The following CACNA2D1 variants were observed in gnomAD, a reference collection of about 807,000 sequenced individuals.
CACNA2D1 encodes the protein voltage-dependent calcium channel subunit alpha-2/delta-1.
CACNA2D1 carries 53 observed loss-of-function variants against 171.5 expected under a neutral mutation model. The observed-to-expected ratio is 0.31, with a 90% CI of 0.25 to 0.39. The LOEUF is 0.39. Ranked by LOEUF, CACNA2D1 falls within the 10% of genes least tolerant of loss-of-function variation. CACNA2D1 has a pLI of 1.00. For missense variants in CACNA2D1, 903 were observed against 1,299.8 expected, an observed-to-expected ratio of 0.69 and a Z score of 4.69; for synonymous variants, 442 against 443.1, an observed-to-expected ratio of 1.00 and a Z score of 0.03.
intron 6 of CACNA2D1, among the ~76,000 whole-genome samples, chr7:82,095,023 A>C (rs1378824009): frequency 6.6e-6 from 1 of 152,134 alleles, no homozygotes; most frequent in Non-Finnish European, 1.5e-5. Flanking sequence ...CTGGTCTTTT[A>C]TGACTGGCTT....
intron 18 of CACNA2D1, among the ~76,000 whole-genome samples, chr7:82,001,103 G>A (rs964989184): frequency 6.6e-6 from 1 of 152,084 alleles, no homozygotes; most frequent in African/African-American, 2.4e-5. Flanking sequence ...TGTGATAACT[G>A]AAGTTTTGTT....
intron 1 of CACNA2D1, among the ~76,000 whole-genome samples, chr7:82,441,986 C>T (rs1227235696): frequency 1.3e-5 from 2 of 152,098 alleles, no homozygotes; most frequent in Non-Finnish European, 2.9e-5. Context: ...GCCAATTAAA[C>T]GAAGATCTCC....
At chr7:82,303,131 C>T (rs1813250178) in intron 3 of CACNA2D1, among the ~76,000 whole-genome samples, 1 of 152,146 alleles carries the variant, frequency 6.6e-6, no homozygotes, top group East Asian at 1.9e-4. Context: ...GTAGCTGGGA[C>T]TACAGGCGCC....
chr7:81,983,419 C>A, intron 22 of CACNA2D1, 85 bp from the exon 23 acceptor site: 1 of 963,358 alleles, frequency 1.0e-6, no homozygotes, highest in South Asian at 1.4e-5. Flanking sequence ...ATATTTTATT[C>A]AATGACTTTC....
chr7:81,978,327 A>G (rs1796067731), intron 24 of CACNA2D1, among the ~76,000 whole-genome samples: 1 of 152,176 alleles, frequency 6.6e-6, no homozygotes, highest in Non-Finnish European at 1.5e-5. Context: ...AAGACTTGGA[A>G]CCAACCCAAA....
At chr7:82,313,927 A>T (rs2129434416) in intron 3 of CACNA2D1, among the ~76,000 whole-genome samples, 1 of 152,338 alleles carries the variant, frequency 6.6e-6, no homozygotes. Flanking sequence ...GCACTAAAAA[A>T]TAAAATCATA....
At chr7:82,126,221 A>T (rs973919310) in intron 5 of CACNA2D1, among the ~76,000 whole-genome samples, 1 of 152,196 alleles carries the variant, frequency 6.6e-6, no homozygotes, top group African/African-American at 2.4e-5. Context: ...CTAGCACTCC[A>T]GTATATAATC....
At chr7:82,357,371 A>C (rs1200291023) in intron 1 of CACNA2D1, among the ~76,000 whole-genome samples, 1 of 152,158 alleles carries the variant, frequency 6.6e-6, no homozygotes, top group Non-Finnish European at 1.5e-5. Context: ...ATAACAGTTG[A>C]GTACAAAGTG....
At chr7:82,301,509 A>G (rs1323590407) in intron 3 of CACNA2D1, among the ~76,000 whole-genome samples, 2 of 152,184 alleles carry the variant, frequency 1.3e-5, no homozygotes, top group Non-Finnish European at 2.9e-5. Flanking sequence ...ATATAAATAT[A>G]TACATAGTAC....
chr7:82,321,741 A>G (rs1190374100), intron 3 of CACNA2D1, among the ~76,000 whole-genome samples: 1 of 152,180 alleles, frequency 6.6e-6, no homozygotes, highest in Non-Finnish European at 1.5e-5. Flanking sequence ...TCTAAAAAGA[A>G]TGCCAATCAA....
At chr7:81,954,553 C>T (rs1050341354) in intron 38 of CACNA2D1, among the ~76,000 whole-genome samples, 2 of 152,162 alleles carry the variant, frequency 1.3e-5, no homozygotes, top group East Asian at 1.9e-4. Context: ...TCTTACTCTG[C>T]CTTTCTTTCC....
In CACNA2D1 at chr7:82,172,593, C is replaced by T. The variant is rs906928976; in HGVS notation, c.295-1984G>A. Among the ~76,000 whole-genome samples the T allele has an allele frequency of 2.8e-5, 4 of 144,552 alleles. No homozygotes were observed. In the East Asian group the frequency reaches 6.3e-4, roughly 23 times the overall value. 94.8% of individuals were successfully genotyped at this position (144,552 alleles called of 152,430 possible). On this transcript the variant is annotated intron_variant, in intron 3 of 38. Transcript: ENST00000356860. ...TCAGCCTCCTAAGTAGCTGGGACTA[C>T]AGGTTTGCATCAAGAAACCCGGCTT...
intron 11 of CACNA2D1, among the ~76,000 whole-genome samples, chr7:82,036,576 G>A (rs928385496): frequency 6.6e-6 from 1 of 152,070 alleles, no homozygotes; most frequent in African/African-American, 2.4e-5. Flanking sequence ...CAGGGAACAC[G>A]CTAAATATCC....
chr7:82,320,293 G>A (rs1425798190), intron 3 of CACNA2D1, among the ~76,000 whole-genome samples: 1 of 152,024 alleles, frequency 6.6e-6, no homozygotes, highest in African/African-American at 2.4e-5. Flanking sequence ...CTTGGTCGCT[G>A]TCATTTAAGT....
At chr7:82,286,627 G>C (rs1810803525) in intron 3 of CACNA2D1, among the ~76,000 whole-genome samples, 1 of 152,134 alleles carries the variant, frequency 6.6e-6, no homozygotes, top group Non-Finnish European at 1.5e-5. Flanking sequence ...TTCTGAGGCA[G>C]ACACTGATTA....
intron 4 of CACNA2D1, among the ~76,000 whole-genome samples, chr7:82,160,505 A>G (rs1292188031): frequency 1.3e-5 from 2 of 152,104 alleles, no homozygotes; most frequent in Non-Finnish European, 2.9e-5. Flanking sequence ...TAATAATTTA[A>G]TAAGATTTGG....
In CACNA2D1 at chr7:81,948,299, T is replaced by A. The variant is rs1792202174; in HGVS notation, c.*2093A>T. The A allele has an allele frequency of 6.6e-6, 1 of 151,858 alleles. No individual in the cohort carries two copies. Among genetic ancestry groups the A allele is most frequent in the South Asian group, 2.1e-4 (1 of 4,828 alleles). The allele number at this position is 151,858 out of a possible 1,614,324, so 9.4% of individuals were successfully genotyped here. On this transcript the variant is annotated 3_prime_UTR_variant, in exon 39 of 39. Transcript: ENST00000356860. The stretch of plus-strand genomic sequence containing the variant: ...AACATTGTTACTAGAGTGAGAAGTT[T>A]TTTTCCCCACATATATTTTAAATCA...
chr7:82,115,240 AAAC>A (rs1467632887), intron 6 of CACNA2D1, among the ~76,000 whole-genome samples: 4 of 152,298 alleles, frequency 2.6e-5, no homozygotes, highest in East Asian at 3.9e-4. Flanking sequence ...CATATCCAAC[AAAC>A]AACAGGTGAT....
At chr7:82,292,953 C>T (rs1811834423) in intron 3 of CACNA2D1, among the ~76,000 whole-genome samples, 1 of 152,028 alleles carries the variant, frequency 6.6e-6, no homozygotes, top group Non-Finnish European at 1.5e-5. Context: ...CACACATACA[C>T]ATTAAAAAAT....
Sources: allele counts gnomAD v4.1 joint callset (sites outside exome capture counted in the v4.1 genomes callset), GRCh38; gene constraint gnomAD v4.1.1; transcripts MANE v1.5; gene names NCBI Gene and HGNC (gene_info 2026-07-23, HGNC 2026-07-21).